LRRFIP2: variants seen among roughly 807,000 people sequenced by gnomAD.
The protein encoded by LRRFIP2 is LRR binding FLII interacting protein 2.
LRRFIP2 carries 109 observed loss-of-function variants against 125.9 expected under a neutral mutation model. That is an observed-to-expected ratio of 0.87 (90% CI 0.74 to 1.01). The LOEUF is 1.01. Among genes scored for constraint, LRRFIP2 ranks in the 50% least tolerant of loss-of-function variants. The pLI is 0.00. For synonymous variants in LRRFIP2, 291 were observed against 293.1 expected (o/e 0.99, Z 0.07); for missense variants, 850 against 862.3 (o/e 0.99, Z 0.18).
At chr3:37,083,135 A>G (rs1218848106) in intron 19 of LRRFIP2, among the ~76,000 whole-genome samples, 2 of 152,190 alleles carry the variant, frequency 1.3e-5, no homozygotes, top group Non-Finnish European at 2.9e-5. Flanking sequence ...TACAACTTAT[A>G]AACCTCTAAA....
At chr3:37,150,024 C>T (rs961352028) in intron 1 of LRRFIP2, among the ~76,000 whole-genome samples, 2 of 150,838 alleles carry the variant, frequency 1.3e-5, no homozygotes, top group African/African-American at 2.4e-5. Flanking sequence ...AACAAACAGA[C>T]AAAAAAAACC....
At chr3:37,097,319 T>G (rs541608994) in intron 15 of LRRFIP2, among the ~76,000 whole-genome samples, 2 of 152,266 alleles carry the variant, frequency 1.3e-5, no homozygotes, top group South Asian at 2.1e-4. Context: ...AAAATTCTAG[T>G]AAGTGTCCCA....
rs1560166541 is a variant in LRRFIP2 at position 37,165,810 on chromosome 3, AAAGAAAGAAAGAAAGAAAG to A, written c.-56+8710_-56+8728del. Among the ~76,000 whole-genome samples the A allele has an allele frequency of 2.0e-3, 285 of 142,674 alleles. 2 individuals are homozygous for A. The highest frequency in any genetic ancestry group is 0.011 in the Middle Eastern group (3 of 282). The allele number at this position is 142,674 out of a possible 152,430, so 93.6% of individuals were successfully genotyped here. A position where few individuals can be genotyped will look rare whatever the true frequency, so the allele number is the denominator to read the frequency against. On this transcript the variant is annotated intron_variant, in intron 1 of 27. Transcript: ENST00000336686. ...GAGAAAGAAAGAGAAAGAAAGAAAGAAAGAAAGAAAGAAAGAAAGAAAGAAAGAAAGAAAGAAAGAAAGA... is the reference window on the plus strand; with the variant it reads ...GAGAAAGAAAGAGAAAGAAAGAAAGAAAAGAAAGAAAGAAAGAAAGAAAGA...
At chr3:37,148,793 T>C in intron 2 of LRRFIP2, 101 bp downstream of exon 2, 1 of 1,276,888 alleles carries the variant, frequency 7.8e-7, no homozygotes, top group Non-Finnish European at 1.1e-6. Flanking sequence ...AATAAACATC[T>C]GAAACTAGTT....
At chr3:37,109,750 G>T in intron 9 of LRRFIP2, 47 bp from the exon 10 acceptor site, 2 of 1,542,274 alleles carry the variant, frequency 1.3e-6, no homozygotes, top group South Asian at 2.2e-5. Flanking sequence ...AAACAAAGAT[G>T]AATTGGTCTC....
At chr3:37,106,211 A>C (rs1559868238) in intron 13 of LRRFIP2, among the ~76,000 whole-genome samples, 1 of 152,234 alleles carries the variant, frequency 6.6e-6, no homozygotes, top group Non-Finnish European at 1.5e-5. Flanking sequence ...AAATAAAAGA[A>C]TATTTTAAAG....
At chr3:37,078,344 A>C (rs4678935) in intron 19 of LRRFIP2, among the ~76,000 whole-genome samples, 49,122 of 152,056 alleles carry the variant, frequency 0.32, 9,845 homozygotes, top group Non-Finnish European at 0.45. Flanking sequence ...CAAGCAAAAC[A>C]AACAAAATAA....
intron 23 of LRRFIP2, chr3:37,065,185 T>C (rs2089866653): frequency 5.7e-6 from 1 of 174,396 alleles, no homozygotes; most frequent in African/African-American, 2.4e-5. Flanking sequence ...GTAGATTTCT[T>C]TGTGGGGTCA....
intron 23 of LRRFIP2, chr3:37,064,032 C>T (rs1009936642): frequency 2.2e-6 from 1 of 453,248 alleles, no homozygotes; most frequent in African/African-American, 2.0e-5. Context: ...TTCCCCACAG[C>T]AGTGATTTGC....
At chr3:37,068,600 C>T (rs1245558351) in intron 21 of LRRFIP2, 2 of 152,168 alleles carry the variant, frequency 1.3e-5, no homozygotes, top group African/African-American at 4.8e-5. Flanking sequence ...CATATAACCA[C>T]TACCCTTGTG....
At chr3:37,092,718 C>T (rs1357298583) in intron 17 of LRRFIP2, among the ~76,000 whole-genome samples, 1 of 152,242 alleles carries the variant, frequency 6.6e-6, no homozygotes, top group Non-Finnish European at 1.5e-5. Context: ...CTGTCACCTT[C>T]AAACCAATGG....
intron 13 of LRRFIP2, 29 bp from the exon 14 acceptor site, chr3:37,105,552 A>C: frequency 1.3e-6 from 2 of 1,578,014 alleles, no homozygotes; most frequent in Non-Finnish European, 1.7e-6. Flanking sequence ...GATAATGAAA[A>C]AGATGCAATT....
chr3:37,090,611 CT>C (rs145902013), intron 18 of LRRFIP2, among the ~76,000 whole-genome samples: 5,980 of 152,234 alleles, frequency 0.039, 193 homozygotes, highest in African/African-American at 0.088. Context: ...GAGGCTTGAA[CT>C]TCAGAATGAC....
Position 37,127,626 on chromosome 3 carries a change from C to T in LRRFIP2, c.228+4G>A. On this transcript the variant is annotated splice_donor_region_variant and intron_variant, in intron 4 of 27. Transcript: ENST00000336686. The stretch of plus-strand genomic sequence containing the variant: ...AACATGCAGGACAGGCAATACTGGC[C>T]TACCAGCCACTTCTGAATCTGTCCC... The T allele has an allele frequency of 1.2e-6, 2 of 1,613,464 alleles. No homozygotes were observed. Among genetic ancestry groups the T allele is most frequent in the Non-Finnish European group, 1.7e-6 (2 of 1,179,486 alleles).
rs2093640080 is a variant in LRRFIP2 at position 37,094,782 on chromosome 3, T to A, written c.1035+10A>T. ...TGCTTTTAAAAAGAAAACCAAAAAC[T>A]TCAGTTTACCCGCAATTCACTTAAT... On this transcript the variant is annotated intron_variant, in intron 17 of 27. Transcript: ENST00000336686. 12 of 1,596,278 alleles carry A rather than the reference T, an allele frequency of 7.5e-6. No individual in the cohort carries two copies. Among genetic ancestry groups the A allele is most frequent in the Non-Finnish European group, 1.0e-5 (12 of 1,164,564 alleles).
At chr3:37,107,703 G>A (rs1028682574) in intron 13 of LRRFIP2, among the ~76,000 whole-genome samples, 4 of 152,118 alleles carry the variant, frequency 2.6e-5, no homozygotes, top group African/African-American at 7.2e-5. Context: ...GCGCTGGCAA[G>A]CAGGTGAAAT....
intron 23 of LRRFIP2, chr3:37,064,439 C>G (rs925102857): frequency 2.6e-5 from 4 of 152,068 alleles, no homozygotes; most frequent in African/African-American, 9.7e-5. Context: ...TAAACAAATA[C>G]AAAAATTAAC....
intron 1 of LRRFIP2, among the ~76,000 whole-genome samples, chr3:37,168,466 G>A (rs1261061878): frequency 6.6e-6 from 1 of 152,134 alleles, no homozygotes; most frequent in Non-Finnish European, 1.5e-5. Flanking sequence ...GAGGTACCTG[G>A]AGTACACAAA....
chr3:37,060,395 G>A lies in LRRFIP2; in HGVS notation c.1750-1485C>T, dbSNP rs1006367069. ...ATGATCTCAGCTCACTGCAACCTCC[G>A]CCTCCCGGGTTCAAGCGATTTTCCT... On this transcript the variant is annotated intron_variant, in intron 24 of 27. Transcript: ENST00000336686. The surrounding 1 kb of genome is among the most constrained non-coding windows in gnomAD (Gnocchi z 4.1). Among the ~76,000 whole-genome samples, 9 of 152,068 alleles carry A rather than the reference G, an allele frequency of 5.9e-5. No individual in the cohort carries two copies. The highest frequency in any genetic ancestry group is 2.1e-4 in the South Asian group (1 of 4,826).
Sources: gnomAD v4.1 joint callset for allele counts (sites outside exome capture counted in the v4.1 genomes callset) on GRCh38, gnomAD v4.1.1 for gene constraint, Gnocchi (gnomAD v3.1) non-coding constraint, MANE v1.5 for transcripts, NCBI Gene and HGNC (gene_info 2026-07-23, HGNC 2026-07-21) for gene names.